The following PNPLA8 variants were observed in gnomAD, a reference collection of about 807,000 sequenced individuals.
PNPLA8 encodes patatin like domain 8, phospholipase A2, also known as calcium-independent phospholipase A2-gamma.
Under a neutral mutation model 76.9 loss-of-function variants are expected in PNPLA8, and 39 were observed. That is an observed-to-expected ratio of 0.51 (90% CI 0.39 to 0.66). The LOEUF is 0.66. Ranked by LOEUF, PNPLA8 falls within the 30% of genes least tolerant of loss-of-function variation. PNPLA8 has a pLI of 0.00. For missense variants in PNPLA8, 887 were observed against 918.0 expected (o/e 0.97, Z 0.44); for synonymous variants, 301 against 307.9 (o/e 0.98, Z 0.24).
chr7:108,526,511 A>C (rs754126980), upstream of PNPLA8, among the ~76,000 whole-genome samples: 1 of 152,186 alleles, frequency 6.6e-6, no homozygotes. Flanking sequence ...GCGGGCCGCT[A>C]TTCCCTTTCA....
intron 2 of PNPLA8, among the ~76,000 whole-genome samples, chr7:108,516,916 CA>C (rs36120616): frequency 3.4e-5 from 5 of 147,860 alleles, no homozygotes; most frequent in African/African-American, 5.0e-5. Flanking sequence ...ACAAAACAAA[CA>C]AAAAAAAAAC....
At chr7:108,511,229 C>T (rs997573140) in intron 4 of PNPLA8, among the ~76,000 whole-genome samples, 6 of 152,130 alleles carry the variant, frequency 3.9e-5, no homozygotes, top group Non-Finnish European at 8.8e-5. Flanking sequence ...AGACATTGGT[C>T]ATTCTGCAAC....
At chr7:108,490,550 G>C (rs142613188) in intron 8 of PNPLA8, among the ~76,000 whole-genome samples, 2,972 of 152,012 alleles carry the variant, frequency 0.02, 52 homozygotes, top group Non-Finnish European at 0.03. Flanking sequence ...TTGGGAGGCT[G>C]AGGTGGGCGA....
At chr7:108,481,273 A>G (rs1404058427) in intron 9 of PNPLA8, among the ~76,000 whole-genome samples, 1 of 152,242 alleles carries the variant, frequency 6.6e-6, no homozygotes, top group South Asian at 2.1e-4. Context: ...TTAACTTTAT[A>G]AGAAACTGCC....
chr7:108,515,358 C>A lies in PNPLA8; in HGVS notation c.134G>T (p.Ser45Ile). ...PKHYWRISHISLQRGFHTNII... is the reference protein window; with the variant it reads ...PKHYWRISHIILQRGFHTNII... ...GTTTGTATGAAAACCTCTTTGTAGA[C>A]TGATGTGGCTTATCCTCCAGTAATG... The change falls in exon 3 of 11, where the codon AGT becomes ATT. Residue 45 changes from serine (S) to isoleucine (I), a missense_variant. Ser to Ile is a moderately radical substitution (Grantham distance 142). Transcript: ENST00000257694. The A allele has an allele frequency of 6.2e-7, 1 of 1,613,552 alleles. No individual in the cohort carries two copies. The highest frequency in any genetic ancestry group is 2.2e-5 in the East Asian group (1 of 44,858).
chr7:108,478,083 G>GA (rs1860125684), intron 10 of PNPLA8, among the ~76,000 whole-genome samples: 1 of 152,092 alleles, frequency 6.6e-6, no homozygotes, highest in African/African-American at 2.4e-5. Context: ...TGCTGTAAGA[G>GA]AAAAAGAGAA....
At chr7:108,486,826 C>G (rs1860771975) in intron 9 of PNPLA8, among the ~76,000 whole-genome samples, 1 of 152,074 alleles carries the variant, frequency 6.6e-6, no homozygotes, top group African/African-American at 2.4e-5. Flanking sequence ...TCTCTGTCAA[C>G]AGCGTAAGAT....
At chr7:108,492,363 T>C (rs1861244959) in intron 7 of PNPLA8, among the ~76,000 whole-genome samples, 1 of 152,220 alleles carries the variant, frequency 6.6e-6, no homozygotes, top group Admixed American at 6.5e-5. Flanking sequence ...ACATTTCTAC[T>C]ACATAAAGAT....
chr7:108,510,665 A>C, intron 4 of PNPLA8: 2 of 1,596,208 alleles, frequency 1.3e-6, no homozygotes, highest in Non-Finnish European at 1.7e-6. Flanking sequence ...GGGGTACCCC[A>C]ATCTGAAGTC....
At chr7:108,490,912 GT>G (rs2154515326) in intron 8 of PNPLA8, among the ~76,000 whole-genome samples, 1 of 152,144 alleles carries the variant, frequency 6.6e-6, no homozygotes, top group Admixed American at 6.5e-5. Context: ...TTCTGGTATA[GT>G]TTTACCGAAT....
intron 4 of PNPLA8, among the ~76,000 whole-genome samples, chr7:108,513,849 T>C (rs1020292281): frequency 6.6e-6 from 1 of 152,164 alleles, no homozygotes; most frequent in African/African-American, 2.4e-5. Context: ...AATATTTACA[T>C]TGCACTAAAG....
At chr7:108,505,421 G>A (rs138001740) in intron 4 of PNPLA8, among the ~76,000 whole-genome samples, 2,103 of 130,702 alleles carry the variant, frequency 0.016, 65 homozygotes, top group African/African-American at 0.059. Flanking sequence ...GGAGTGCAGC[G>A]GCGTGATCTC....
chr7:108,489,513 A>G (rs553349331), intron 8 of PNPLA8, among the ~76,000 whole-genome samples: 6 of 152,328 alleles, frequency 3.9e-5, no homozygotes, highest in African/African-American at 1.4e-4. Context: ...ATATGCTTTC[A>G]AAGAACTGCT....
chr7:108,491,448 G>C lies in PNPLA8; in HGVS notation c.1645C>G (p.Leu549Val), dbSNP rs1477195464. Residue 549 changes from leucine to valine, a missense_variant, in exon 8 of 11, where the codon CTG (leucine) becomes GTG (valine). By Grantham distance (32) the Leu-to-Val change is conservative (BLOSUM62 1). Coordinates refer to ENST00000257694, the MANE Select transcript of PNPLA8 (RefSeq NM_001256007.3). ...NILKDRMGSA[L>V]MIETARNPTC... ...GGGTTTCTTGCTGTTTCAATCATCAGTGCAGATCCCATCCTATCCCTTTAT... is the reference window on the plus strand; with the variant it reads ...GGGTTTCTTGCTGTTTCAATCATCACTGCAGATCCCATCCTATCCCTTTAT... 1 of 1,604,714 alleles carries C rather than the reference G, an allele frequency of 6.2e-7. No individual in the cohort carries two copies. Among genetic ancestry groups the C allele is most frequent in the African/African-American group, 1.3e-5 (1 of 74,736 alleles).
chr7:108,506,245 G>A (rs985601459), intron 4 of PNPLA8, among the ~76,000 whole-genome samples: 6 of 152,118 alleles, frequency 3.9e-5, no homozygotes, highest in Non-Finnish European at 5.9e-5. Flanking sequence ...GGGTGTGGTG[G>A]TGCGCACCTG....
intron 5 of PNPLA8, among the ~76,000 whole-genome samples, chr7:108,501,384 C>A (rs372017253): frequency 3.9e-5 from 6 of 152,136 alleles, no homozygotes; most frequent in African/African-American, 1.4e-4. Context: ...TCCTTCTGAA[C>A]AAAGAAAGAA....
intron 4 of PNPLA8, chr7:108,511,039 GGAA>G: frequency 3.0e-6 from 1 of 331,670 alleles, no homozygotes; most frequent in South Asian, 1.0e-4. Context: ...CTCTCAAATT[GGAA>G]AAAAAAAAAA....
chr7:108,507,383 G>C (rs1404517782), intron 4 of PNPLA8, among the ~76,000 whole-genome samples: 1 of 150,062 alleles, frequency 6.7e-6, no homozygotes, highest in East Asian at 1.9e-4. Flanking sequence ...GGCTGGGTGA[G>C]GTGGCTTACA....
chr7:108,491,420 G>A lies in PNPLA8; in HGVS notation c.1673C>T (p.Thr558Ile). The A allele has an allele frequency of 1.9e-6, 3 of 1,601,218 alleles. No individual in the cohort carries two copies. The highest frequency in any genetic ancestry group is 2.6e-6 in the Non-Finnish European group (3 of 1,168,220). Residue 558 changes from threonine (T) to isoleucine (I), a missense_variant, in exon 8 of 11, where the codon ACA (threonine) becomes ATA (isoleucine). Physicochemically the swap from Thr to Ile is moderately conservative, Grantham distance 89 (BLOSUM62 -1). Transcript: ENST00000257694. Reference sequence around the variant, plus strand: ...AGACTCTAAGCTTACCTTAGGACATGTGGGGTTTCTTGCTGTTTCAATCAT... The same window carrying A: ...AGACTCTAAGCTTACCTTAGGACATATGGGGTTTCTTGCTGTTTCAATCAT... ...ALMIETARNP[T>I]CPKVAAVSTI...
Sources: allele counts gnomAD v4.1 joint callset (sites outside exome capture counted in the v4.1 genomes callset), GRCh38; gene constraint gnomAD v4.1.1; transcripts MANE v1.5; gene names NCBI Gene and HGNC (gene_info 2026-07-23, HGNC 2026-07-21).